CSMD3: variants seen among roughly 807,000 people sequenced by gnomAD.
CSMD3 encodes the protein CUB and sushi domain-containing protein 3.
In CSMD3, 177 loss-of-function variants were observed where a neutral mutation model predicts 435.2. The observed-to-expected ratio is 0.41, with a 90% CI of 0.36 to 0.46. The LOEUF is 0.46. CSMD3 is among the 20% of genes least tolerant of loss of function. The pLI, the probability that CSMD3 is intolerant of heterozygous loss-of-function variation, is 0.34. For missense variants in CSMD3, 4,265 were observed against 4,504.6 expected, an observed-to-expected ratio of 0.95 and a Z score of 1.52; for synonymous variants, 1,656 against 1,520.5, an observed-to-expected ratio of 1.09 and a Z score of -2.07.
rs540976824 is a variant in CSMD3, at chr8:112,376,726, A to G, written c.6136+3626T>C. On this transcript the variant is annotated intron_variant, in intron 38 of 70. Transcript: ENST00000297405. Reference sequence around the variant, plus strand: ...TGTTAATGATATATATACCAACATTATATGTCCATTATCTTCTACCTCTAG... The same window carrying G: ...TGTTAATGATATATATACCAACATTGTATGTCCATTATCTTCTACCTCTAG... Among the ~76,000 whole-genome samples the G allele has an allele frequency of 5.3e-5, 8 of 152,298 alleles. No individual in the cohort carries two copies. The East Asian group carries it at 1.2e-3, about 22-fold the overall frequency.
intron 5 of CSMD3, among the ~76,000 whole-genome samples, chr8:113,080,723 T>A (rs558657364): frequency 6.6e-6 from 1 of 152,360 alleles, no homozygotes; most frequent in South Asian, 2.1e-4. Flanking sequence ...TCCCTAGGTG[T>A]AGTTTCTAAC....
chr8:112,579,710 A>G (rs1446549313), intron 23 of CSMD3, among the ~76,000 whole-genome samples: 1 of 152,062 alleles, frequency 6.6e-6, no homozygotes, highest in Admixed American at 6.6e-5. Flanking sequence ...TCACACATAG[A>G]TAGGAAAGAA....
chr8:112,251,418 A>T (rs961272760), intron 63 of CSMD3, among the ~76,000 whole-genome samples: 1 of 151,760 alleles, frequency 6.6e-6, no homozygotes, highest in Non-Finnish European at 1.5e-5. Context: ...ACTGAGCATT[A>T]ACTTTGGTCC....
At chr8:113,084,250 TAA>T (rs1351573919) in intron 5 of CSMD3, among the ~76,000 whole-genome samples, 1 of 152,062 alleles carries the variant, frequency 6.6e-6, no homozygotes, top group African/African-American at 2.4e-5. Context: ...AAAAAATTAG[TAA>T]AGTTTCAGGA....
chr8:113,074,087 G>T (rs2089242723), intron 5 of CSMD3, among the ~76,000 whole-genome samples: 2 of 151,600 alleles, frequency 1.3e-5, no homozygotes, highest in Non-Finnish European at 3.0e-5. Flanking sequence ...GCAAGCACTA[G>T]ATGACTCTTT....
chr8:113,388,129 G>A (rs1363207757), intron 1 of CSMD3, among the ~76,000 whole-genome samples: 2 of 151,606 alleles, frequency 1.3e-5, no homozygotes, highest in South Asian at 2.1e-4. Context: ...TATATGCTAT[G>A]CTAAGGTATA....
At chr8:112,326,306 A>G (rs1823508233) in intron 45 of CSMD3, among the ~76,000 whole-genome samples, 2 of 152,180 alleles carry the variant, frequency 1.3e-5, no homozygotes. Context: ...AAAAAAATAC[A>G]TAATCCAGTT....
At chr8:112,352,555 C>A (rs2131064333) in intron 38 of CSMD3, 21 bp from the exon 39 acceptor site, 1 of 1,589,208 alleles carries the variant, frequency 6.3e-7, no homozygotes, top group Non-Finnish European at 8.6e-7. Flanking sequence ...TTAATGATAA[C>A]AATTTAAGTA....
chr8:112,552,172 T>G (rs2131197834), intron 26 of CSMD3, among the ~76,000 whole-genome samples: 1 of 152,140 alleles, frequency 6.6e-6, no homozygotes. Context: ...GAGGATGCAC[T>G]AGGGTAATAA....
intron 1 of CSMD3, among the ~76,000 whole-genome samples, chr8:113,415,388 C>T (rs2094577345): frequency 6.6e-6 from 1 of 152,062 alleles, no homozygotes; most frequent in Non-Finnish European, 1.5e-5. Flanking sequence ...AAGTTAAAGA[C>T]CAGGCCTGTA....
intron 36 of CSMD3, among the ~76,000 whole-genome samples, chr8:112,385,503 T>C (rs1829856114): frequency 6.6e-6 from 1 of 152,152 alleles, no homozygotes; most frequent in South Asian, 2.1e-4. Context: ...AAGAACATGA[T>C]TAAGACAGTG....
At chr8:113,160,893 CATATGTGCT>C (rs891709007) in intron 4 of CSMD3, among the ~76,000 whole-genome samples, 6 of 152,006 alleles carry the variant, frequency 3.9e-5, no homozygotes, top group Admixed American at 3.9e-4. Context: ...ATCCAGGAAT[CATATGTGCT>C]ATATTCAAGG....
At chr8:113,097,713 C>T (rs73340223) in intron 5 of CSMD3, among the ~76,000 whole-genome samples, 2 of 151,954 alleles carry the variant, frequency 1.3e-5, no homozygotes, top group African/African-American at 4.8e-5. Flanking sequence ...TAAATATATT[C>T]AAAACAAATC....
At chr8:113,051,117 A>C (rs1296202672) in intron 5 of CSMD3, among the ~76,000 whole-genome samples, 1 of 152,128 alleles carries the variant, frequency 6.6e-6, no homozygotes, top group Non-Finnish European at 1.5e-5. Flanking sequence ...TCCACAATAT[A>C]CTGAAAATGT....
intron 38 of CSMD3, among the ~76,000 whole-genome samples, chr8:112,354,376 G>T (rs1469200192): frequency 6.6e-6 from 1 of 151,954 alleles, no homozygotes; most frequent in Non-Finnish European, 1.5e-5. Flanking sequence ...TAAATAAAAG[G>T]TATCCAAAAA....
intron 35 of CSMD3, among the ~76,000 whole-genome samples, chr8:112,401,321 T>G (rs1197989123): frequency 3.3e-5 from 5 of 152,194 alleles, no homozygotes; most frequent in African/African-American, 1.2e-4. Flanking sequence ...GCTTGCTATT[T>G]TGCTATTTTT....
chr8:112,928,026 T>C (rs1481967754), intron 9 of CSMD3, among the ~76,000 whole-genome samples: 2 of 152,164 alleles, frequency 1.3e-5, no homozygotes, highest in Non-Finnish European at 2.9e-5. Flanking sequence ...ATAATAATGC[T>C]ACCTGTCTTT....
rs4876485 is a variant in CSMD3, at chr8:112,690,062, G to A, written c.1973-12C>T. ...TTCTTTCTCAATTTCTGGAAAAATAGAAGATAAAAGTCACCTTCCAAGGGT... is the reference window on the plus strand; with the variant it reads ...TTCTTTCTCAATTTCTGGAAAAATAAAAGATAAAAGTCACCTTCCAAGGGT... On this transcript the variant is annotated splice_polypyrimidine_tract_variant and intron_variant, in intron 13 of 70. Coordinates refer to ENST00000297405, the MANE Select transcript of CSMD3 (RefSeq NM_198123.2). The A allele has an allele frequency of 1.2e-6, 2 of 1,609,338 alleles. No homozygotes were observed.
intron 1 of CSMD3, among the ~76,000 whole-genome samples, chr8:113,319,895 T>A (rs908185404): frequency 1.3e-5 from 2 of 152,072 alleles, no homozygotes; most frequent in Non-Finnish European, 2.9e-5. Flanking sequence ...TTATAGTACA[T>A]GTGGAACATC....
Sources: allele counts gnomAD v4.1 joint callset (sites outside exome capture counted in the v4.1 genomes callset), GRCh38; gene constraint gnomAD v4.1.1; transcripts MANE v1.5; gene names NCBI Gene and HGNC (gene_info 2026-07-23, HGNC 2026-07-21).